NRXN1: variants seen among roughly 807,000 people sequenced by gnomAD.
NRXN1 encodes neurexin-1.
In NRXN1, 39 loss-of-function variants were observed where a neutral mutation model predicts 150.9. That is an observed-to-expected ratio of 0.26 (90% CI 0.20 to 0.34). The LOEUF (loss-of-function observed/expected upper bound fraction) is 0.34, where lower values mean the gene tolerates loss of function less well. NRXN1 is among the 10% of genes least tolerant of loss of function. NRXN1 has a pLI of 1.00. For synonymous variants in NRXN1, 924 were observed against 757.0 expected (o/e 1.22, Z -3.62); for missense variants, 1,815 against 1,949.9 (o/e 0.93, Z 1.30).
chr2:50,654,267 G>C (rs576592231), intron 5 of NRXN1, among the ~76,000 whole-genome samples: 1 of 117,786 alleles, frequency 8.5e-6, no homozygotes, highest in African/African-American at 2.8e-5. Flanking sequence ...CTATGAGTGA[G>C]AACATGTGGT....
rs1050819256 is a variant in NRXN1, at chr2:50,070,663, G to A, written c.3719-15619C>T. On this transcript the variant is annotated intron_variant, in intron 19 of 22. Transcript: ENST00000401669. ...CGGGCGCCTGTAGTCCCAGCTACTC[G>A]GGAGGCTGAGGCAGGAGAATGGCGT... 4.0e-5 allele frequency among the ~76,000 whole-genome samples: 6 copies of A among 151,068 alleles called. No individual in the cohort carries two copies. The South Asian group carries it at 6.3e-4, about 16-fold the overall frequency.
chr2:50,193,269 A>T (rs191441534), intron 18 of NRXN1, among the ~76,000 whole-genome samples: 1 of 152,314 alleles, frequency 6.6e-6, no homozygotes, highest in East Asian at 1.9e-4. Flanking sequence ...AAAACTACAA[A>T]AATAAAGGCT....
At chr2:50,992,710 G>A (rs1698718913) in intron 2 of NRXN1, among the ~76,000 whole-genome samples, 1 of 151,972 alleles carries the variant, frequency 6.6e-6, no homozygotes, top group African/African-American at 2.4e-5. Flanking sequence ...TACTCATCTA[G>A]GAGCAACTCC....
chr2:50,000,756 A>T (rs551886484), intron 21 of NRXN1, among the ~76,000 whole-genome samples: 5 of 152,190 alleles, frequency 3.3e-5, no homozygotes, highest in African/African-American at 1.2e-4. Context: ...GCCTTTCCTG[A>T]CTCTGTAGAT....
intron 5 of NRXN1, among the ~76,000 whole-genome samples, chr2:50,785,725 C>A (rs768869276): frequency 6.6e-6 from 1 of 152,068 alleles, no homozygotes; most frequent in Non-Finnish European, 1.5e-5. Flanking sequence ...GTGAGTAGAG[C>A]AGGAGCTTCT....
chr2:50,779,271 T>C (rs1704038297), intron 5 of NRXN1, among the ~76,000 whole-genome samples: 1 of 152,056 alleles, frequency 6.6e-6, no homozygotes, highest in African/African-American at 2.4e-5. Context: ...ACATGAAGTG[T>C]CTGGTTTTCT....
At position 50,437,643 on chromosome 2, in the gene NRXN1, G is replaced by A. The variant is rs747034109; in HGVS notation, c.3364+27799C>T. ...AAGGTGGAGGCAAACTCTTGTCTCTGATCTTGAAATTATGCTAGTCAGTTC... is the reference window on the plus strand; with the variant it reads ...AAGGTGGAGGCAAACTCTTGTCTCTAATCTTGAAATTATGCTAGTCAGTTC... On this transcript the variant is annotated intron_variant, in intron 17 of 22. Transcript: ENST00000401669. 2.0e-5 allele frequency among the ~76,000 whole-genome samples: 3 copies of A among 152,190 alleles called. 1 individual carries two copies. Among genetic ancestry groups the A allele is most frequent in the African/African-American group, 7.2e-5 (3 of 41,542 alleles).
At chr2:50,519,253 T>C (rs2092714256) in intron 12 of NRXN1, among the ~76,000 whole-genome samples, 1 of 151,990 alleles carries the variant, frequency 6.6e-6, no homozygotes. Context: ...TTTATTTGAA[T>C]TTTAAGATTT....
At position 50,552,834 on chromosome 2, in the gene NRXN1, T is replaced by A. The variant is rs1667727773; in HGVS notation, c.1512A>T (p.Ile504=). 5.0e-6 allele frequency: 8 copies of A among 1,613,850 alleles called. No individual in the cohort carries two copies. In the Admixed American group the frequency reaches 5.0e-5, roughly 10 times the overall value. ...PKWNAKKTGS[I]SFDFRTTEPN... ...GCTCTGTTGTACGGAAATCAAATGA[T>A]ATGGAGCCAGTTTTCTTTGCATTCC... Residue 504 remains isoleucine, a synonymous_variant, in exon 9 of 23, where the codon ATA becomes ATT. Transcript: ENST00000401669.
intron 17 of NRXN1, among the ~76,000 whole-genome samples, chr2:50,396,532 T>A (rs969915210): frequency 6.6e-6 from 1 of 152,000 alleles, no homozygotes; most frequent in East Asian, 1.9e-4. Flanking sequence ...AGTTTGAGAG[T>A]TTTTTGTTTT....
chr2:50,077,791 T>C (rs1697324726), intron 19 of NRXN1, among the ~76,000 whole-genome samples: 1 of 152,150 alleles, frequency 6.6e-6, no homozygotes, highest in South Asian at 2.1e-4. Flanking sequence ...ATATTCTTTT[T>C]GGATTCTCAG....
chr2:50,644,014 T>C (rs1684442925), intron 5 of NRXN1, among the ~76,000 whole-genome samples: 2 of 151,808 alleles, frequency 1.3e-5, no homozygotes, highest in Admixed American at 1.3e-4. Context: ...TTGGTTTTTT[T>C]TGTTTGTTTG....
intron 17 of NRXN1, among the ~76,000 whole-genome samples, chr2:50,447,769 A>G (rs1416875921): frequency 8.6e-6 from 1 of 116,208 alleles, no homozygotes; most frequent in East Asian, 2.8e-4. Flanking sequence ...ATATATATAT[A>G]TATATATATA....
chr2:50,467,503 T>C (rs2104664355), intron 16 of NRXN1, among the ~76,000 whole-genome samples: 1 of 151,674 alleles, frequency 6.6e-6, no homozygotes, highest in South Asian at 2.1e-4. Context: ...AAATAGATGA[T>C]TTTGAAAATG....
At chr2:50,138,993 A>C (rs1706836663) in intron 18 of NRXN1, among the ~76,000 whole-genome samples, 1 of 152,164 alleles carries the variant, frequency 6.6e-6, no homozygotes, top group Non-Finnish European at 1.5e-5. Context: ...TTATTTTGTA[A>C]ATGTGTAATA....
chr2:50,422,292 G>A (rs950743684), intron 17 of NRXN1, among the ~76,000 whole-genome samples: 4 of 152,184 alleles, frequency 2.6e-5, no homozygotes, highest in Admixed American at 2.0e-4. Context: ...ACACCAGTTT[G>A]TGTCCCCATG....
chr2:50,734,612 G>A (rs970185901), intron 5 of NRXN1, among the ~76,000 whole-genome samples: 1 of 151,824 alleles, frequency 6.6e-6, no homozygotes, highest in African/African-American at 2.4e-5. Context: ...GCTCATATAA[G>A]GTCCTAAATT....
intron 19 of NRXN1, among the ~76,000 whole-genome samples, chr2:50,069,718 C>T (rs1241514519): frequency 6.6e-6 from 1 of 152,152 alleles, no homozygotes; most frequent in Non-Finnish European, 1.5e-5. Context: ...TATACAGACA[C>T]ACCCACCTCT....
intron 5 of NRXN1, among the ~76,000 whole-genome samples, chr2:50,719,821 T>C (rs1453622733): frequency 6.6e-6 from 1 of 152,188 alleles, no homozygotes; most frequent in Non-Finnish European, 1.5e-5. Flanking sequence ...CTGAAAGGCT[T>C]CCTTAGGCCA....
Sources: gnomAD v4.1 joint callset for allele counts (sites outside exome capture counted in the v4.1 genomes callset) on GRCh38, gnomAD v4.1.1 for gene constraint, MANE v1.5 for transcripts, NCBI Gene and HGNC (gene_info 2026-07-23, HGNC 2026-07-21) for gene names.